EML6: variants seen among roughly 807,000 people sequenced by gnomAD.
EML6 encodes echinoderm microtubule-associated protein-like 6.
In EML6, 154 loss-of-function variants were observed where a neutral mutation model predicts 240.1. The ratio of observed to expected loss-of-function variants is 0.64; its 90% confidence interval spans 0.56 to 0.73. EML6 has a LOEUF of 0.73. Ranked by LOEUF, EML6 falls within the 30% of genes least tolerant of loss-of-function variation. The probability of loss-of-function intolerance (pLI) is 0.00; values close to 1 mark genes in which losing one functional copy is unlikely to be tolerated. For missense variants in EML6, 2,964 were observed against 2,474.6 expected (o/e 1.20, Z -4.20); for synonymous variants, 1,148 against 899.0 (o/e 1.28, Z -4.95).
intron 32 of EML6, among the ~76,000 whole-genome samples, 153 bp downstream of exon 32, chr2:54,954,309 A>G (rs915503305): frequency 2.0e-5 from 3 of 152,190 alleles, no homozygotes; most frequent in Admixed American, 1.3e-4. Flanking sequence ...GGATCCTGGT[A>G]TAGCTGCCCC....
chr2:54,738,578 C>A (rs1683500033), intron 2 of EML6, among the ~76,000 whole-genome samples: 1 of 152,210 alleles, frequency 6.6e-6, no homozygotes, highest in African/African-American at 2.4e-5. Context: ...CAGTGACAAT[C>A]CCCACTGCAA....
chr2:54,841,152 G>C (rs1558599288), intron 7 of EML6, among the ~76,000 whole-genome samples: 1 of 152,264 alleles, frequency 6.6e-6, no homozygotes, highest in Non-Finnish European at 1.5e-5. Flanking sequence ...GTTCTCTGCA[G>C]CTGAGCTGCA....
At chr2:54,968,028 A>T in intron 39 of EML6, 100 bp from the exon 40 acceptor site, 3 of 1,226,128 alleles carry the variant, frequency 2.4e-6, no homozygotes, top group Non-Finnish European at 3.4e-6. Flanking sequence ...CCCTGATGTT[A>T]AACATCCCTC....
intron 2 of EML6, among the ~76,000 whole-genome samples, chr2:54,769,061 A>T (rs1290640686): frequency 6.6e-6 from 1 of 152,202 alleles, no homozygotes; most frequent in Non-Finnish European, 1.5e-5. Flanking sequence ...CTGGGAAATG[A>T]CTTATTTTGA....
chr2:54,910,169 A>G (rs1319899219), intron 24 of EML6, among the ~76,000 whole-genome samples: 1 of 152,218 alleles, frequency 6.6e-6, no homozygotes, highest in Non-Finnish European at 1.5e-5. Flanking sequence ...CAGTGGGCAT[A>G]CAGGGGTTCT....
At chr2:54,916,249 C>T (rs563771523) in intron 25 of EML6, among the ~76,000 whole-genome samples, 93 of 152,238 alleles carry the variant, frequency 6.1e-4, no homozygotes, top group African/African-American at 2.2e-3. Flanking sequence ...ATTGATCAGC[C>T]TAGGTCAGTG....
In EML6 at chr2:54,895,378, G is replaced by C; in HGVS notation, c.2960G>C (p.Gly987Ala). 1 of 1,551,946 alleles carries C rather than the reference G, an allele frequency of 6.4e-7. No individual in the cohort carries two copies. Among genetic ancestry groups the C allele is most frequent in the Non-Finnish European group, 8.7e-7 (1 of 1,146,950 alleles). ...NGEILEIDKS[G>A]PMTLLVQGHM... ...GAGATTCTGGAAATTGATAAGAGTGGCCCAATGACACTGCTTGTTCAGGTA... is the reference window on the plus strand; with the variant it reads ...GAGATTCTGGAAATTGATAAGAGTGCCCCAATGACACTGCTTGTTCAGGTA... Residue 987 changes from glycine (G) to alanine (A), a missense_variant, in exon 21 of 42, where the codon GGC (glycine) becomes GCC (alanine). By Grantham distance (60) the Gly-to-Ala change is moderately conservative. Transcript: ENST00000356458.
chr2:54,871,613 C>T lies in EML6; in HGVS notation c.2344+8C>T. Reference sequence around the variant, plus strand: ...GTGCACTTGATTTTTCAGGTAAGGTCCAGAGTGATTGACACATGGTTCTAC... The same window carrying T: ...GTGCACTTGATTTTTCAGGTAAGGTTCAGAGTGATTGACACATGGTTCTAC... On this transcript the variant is annotated splice_region_variant and intron_variant, in intron 16 of 41. Coordinates refer to ENST00000356458, the MANE Select transcript of EML6 (RefSeq NM_001039753.4). 1 of 1,533,296 alleles carries T rather than the reference C, an allele frequency of 6.5e-7. No individual in the cohort carries two copies. The highest frequency in any genetic ancestry group is 1.4e-5 in the African/African-American group (1 of 72,836). 95.0% of individuals were successfully genotyped at this position (1,533,296 alleles called of 1,614,324 possible).
At chr2:54,884,239 T>C (rs1439019834) in intron 17 of EML6, among the ~76,000 whole-genome samples, 1 of 152,162 alleles carries the variant, frequency 6.6e-6, no homozygotes, top group African/African-American at 2.4e-5. Flanking sequence ...ACAAAGGTTA[T>C]GGTTGGGAAG....
chr2:54,847,572 C>T lies in EML6; in HGVS notation c.1136C>T (p.Ser379Phe). 1.3e-6 allele frequency: 2 copies of T among 1,552,360 alleles called. No homozygotes were observed. The highest frequency in any genetic ancestry group is 2.4e-5 in the South Asian group (2 of 84,062). The change falls in exon 9 of 42, where the codon TCT becomes TTT. Residue 379 changes from serine to phenylalanine, a missense_variant. By Grantham distance (155) the Ser-to-Phe change is radical. Transcript: ENST00000356458. ...AGTGTAGCTTTCAGCCCCGACGGAT[C>T]TCAGCTGGCCCTGGGCATGAAGGAC... ...VRSVAFSPDGSQLALGMKDGS... is the reference protein window; with the variant it reads ...VRSVAFSPDGFQLALGMKDGS...
At position 54,869,218 on chromosome 2, in the gene EML6, A is replaced by T. The variant is rs2103901818; in HGVS notation, c.2089A>T (p.Thr697Ser). 1 of 1,551,854 alleles carries T rather than the reference A, an allele frequency of 6.4e-7. No homozygotes were observed. The highest frequency in any genetic ancestry group is 2.4e-5 in the East Asian group (1 of 40,924). The change falls in exon 15 of 42, where the codon ACA (threonine) becomes TCA (serine). Residue 697 changes from threonine to serine, a missense_variant. Transcript: ENST00000356458. ...CGACTGTAGAAACAATCTGTTCTACACACAAGCTGGAGAAGTAGTCTACCA... is the reference window on the plus strand; with the variant it reads ...CGACTGTAGAAACAATCTGTTCTACTCACAAGCTGGAGAAGTAGTCTACCA... ...GYDCRNNLFYTQAGEVVYHIA... is the reference protein window; with the variant it reads ...GYDCRNNLFYSQAGEVVYHIA...
intron 2 of EML6, among the ~76,000 whole-genome samples, chr2:54,763,504 A>G (rs73934843): frequency 0.032 from 4,913 of 152,270 alleles, 277 homozygotes; most frequent in African/African-American, 0.11. Flanking sequence ...AGCTTCTTTC[A>G]TTTTATTATC....
At chr2:54,843,134 A>C (rs1669550864) in intron 7 of EML6, among the ~76,000 whole-genome samples, 1 of 152,202 alleles carries the variant, frequency 6.6e-6, no homozygotes, top group Non-Finnish European at 1.5e-5. Context: ...AATCTGAAGG[A>C]AATTATTCTG....
At chr2:54,821,729 A>G (rs1003975133) in intron 5 of EML6, among the ~76,000 whole-genome samples, 2 of 152,130 alleles carry the variant, frequency 1.3e-5, no homozygotes, top group Non-Finnish European at 2.9e-5. Flanking sequence ...GACAACTTAG[A>G]GTATAATAGC....
chr2:54,844,758 A>G (rs1352573670), intron 8 of EML6, among the ~76,000 whole-genome samples: 1 of 152,222 alleles, frequency 6.6e-6, no homozygotes, highest in Non-Finnish European at 1.5e-5. Context: ...ATGGGGCCTG[A>G]GAAAGTAGTT....
intron 2 of EML6, among the ~76,000 whole-genome samples, chr2:54,739,948 G>A (rs1042744247): frequency 6.6e-6 from 1 of 152,180 alleles, no homozygotes; most frequent in Non-Finnish European, 1.5e-5. Flanking sequence ...ATGGGAGAGG[G>A]CATTGGGAGT....
At chr2:54,740,836 T>A (rs1683598253) in intron 2 of EML6, among the ~76,000 whole-genome samples, 1 of 152,130 alleles carries the variant, frequency 6.6e-6, no homozygotes, top group Admixed American at 6.5e-5. Flanking sequence ...CCTGTTTGTG[T>A]ATGTGAGGGG....
At chr2:54,968,796 C>G in intron 41 of EML6, 28 bp downstream of exon 41, 1 of 1,261,236 alleles carries the variant, frequency 7.9e-7, no homozygotes, top group South Asian at 1.3e-5. Context: ...CCAGTTCTTA[C>G]TCCACAGGCC....
chr2:54,933,646 C>T (rs1456480616), intron 28 of EML6, among the ~76,000 whole-genome samples: 1 of 152,032 alleles, frequency 6.6e-6, no homozygotes, highest in African/African-American at 2.4e-5. Flanking sequence ...AGGCACCAAT[C>T]GCTTGAACCC....
Sources: gnomAD v4.1 joint callset for allele counts (sites outside exome capture counted in the v4.1 genomes callset) on GRCh38, gnomAD v4.1.1 for gene constraint, MANE v1.5 for transcripts, NCBI Gene and HGNC (gene_info 2026-07-23, HGNC 2026-07-21) for gene names.